Variants in PPARA observed in about 807,000 individuals in gnomAD.
The protein encoded by PPARA is peroxisome proliferator activated receptor alpha, also known as peroxisome proliferator-activated receptor alpha.
A neutral mutation model predicts 42.2 loss-of-function variants in PPARA; 22 were observed. That is an observed-to-expected ratio of 0.52 (90% CI 0.37 to 0.74). The LOEUF (loss-of-function observed/expected upper bound fraction) is 0.74. Ranked by LOEUF, PPARA falls within the 30% of genes least tolerant of loss-of-function variation. The probability of loss-of-function intolerance (pLI) is 0.00; values close to 1 mark genes in which losing one functional copy is unlikely to be tolerated. For synonymous variants in PPARA, 242 were observed against 239.3 expected (o/e 1.01, Z -0.10); for missense variants, 465 against 608.2 (o/e 0.76, Z 2.48).
rs1226777379 is a variant in PPARA, at chr22:46,239,041, C to A, written c.*3661C>A. The A allele has an allele frequency of 6.6e-6, 1 of 152,138 alleles. No homozygotes were observed. The highest frequency in any genetic ancestry group is 1.5e-5 in the Non-Finnish European group (1 of 68,066). The allele number at this position is 152,138 out of a possible 1,614,324, so 9.4% of individuals were successfully genotyped here. A position where few individuals can be genotyped will look rare whatever the true frequency, so the allele number is the denominator to read the frequency against. The stretch of plus-strand genomic sequence containing the variant: ...GTGTTTGCTATACGAACATAATGGA[C>A]GTGAAGTGGGGCAGAAACCCAGAAC... On this transcript the variant is annotated 3_prime_UTR_variant, in exon 9 of 9. Transcript: ENST00000407236.
intron 2 of PPARA, among the ~76,000 whole-genome samples, chr22:46,172,334 A>C (rs1016918973): frequency 1.1e-4 from 16 of 151,928 alleles, no homozygotes; most frequent in South Asian, 2.1e-4. Flanking sequence ...AAAAAAAAAA[A>C]AAAAAACAGC....
At chr22:46,159,449 G>A (rs948319563) in intron 2 of PPARA, among the ~76,000 whole-genome samples, 7 of 152,242 alleles carry the variant, frequency 4.6e-5, no homozygotes, top group South Asian at 4.1e-4. Flanking sequence ...TACAGAACCT[G>A]TCACCAGATA....
intron 3 of PPARA, among the ~76,000 whole-genome samples, chr22:46,178,634 C>T (rs1929515366): frequency 6.6e-6 from 1 of 152,162 alleles, no homozygotes; most frequent in Admixed American, 6.6e-5. Context: ...CAAAGTACTT[C>T]TTGGTGCATC....
rs1430386441 is a variant in PPARA, at chr22:46,232,991, A to G, written c.1159+752A>G. On this transcript the variant is annotated intron_variant, in intron 8 of 8. Transcript: ENST00000407236. The surrounding 1 kb of genome is among the most constrained non-coding windows in gnomAD (Gnocchi z 5.3). ...AGAATGACCCTGTCTCAAAAAAAAA[A>G]AAAAAAAAAATTATACACACACACA... Among the ~76,000 whole-genome samples the G allele has an allele frequency of 7.4e-6, 1 of 135,494 alleles. No homozygotes were observed. Among genetic ancestry groups the G allele is most frequent in the African/African-American group, 3.5e-5 (1 of 28,234 alleles). 88.9% of individuals were successfully genotyped at this position (135,494 alleles called of 152,430 possible). A position where few individuals can be genotyped will look rare whatever the true frequency, so the allele number is the denominator to read the frequency against.
chr22:46,177,282 T>C (rs1569200177), intron 3 of PPARA, among the ~76,000 whole-genome samples: 1 of 152,066 alleles, frequency 6.6e-6, no homozygotes, highest in African/African-American at 2.4e-5. Flanking sequence ...TACTATTTTA[T>C]TGAGCATTAA....
intron 3 of PPARA, among the ~76,000 whole-genome samples, chr22:46,185,711 A>G (rs1392933391): frequency 1.3e-5 from 2 of 150,368 alleles, no homozygotes; most frequent in African/African-American, 4.9e-5. Context: ...CCTGGCCAAC[A>G]TGGTGAAACC....
Position 46,239,672 on chromosome 22 carries a change from C to G in PPARA, c.*4292C>G, listed in dbSNP as rs1936320620. On this transcript the variant is annotated 3_prime_UTR_variant, in exon 9 of 9. Coordinates refer to ENST00000407236, the MANE Select transcript of PPARA (RefSeq NM_005036.6). ...CTCCCCGCACCGCCCCCAGCACCCCCTCTCCTCTTCACCTCTTCCTGCTGG... is the reference window on the plus strand; with the variant it reads ...CTCCCCGCACCGCCCCCAGCACCCCGTCTCCTCTTCACCTCTTCCTGCTGG... 6.8e-6 allele frequency: 1 copy of G among 147,284 alleles called. No individual in the cohort carries two copies. The highest frequency in any genetic ancestry group is 6.8e-5 in the Admixed American group (1 of 14,690). The allele number at this position is 147,284 out of a possible 1,614,324, so 9.1% of individuals were successfully genotyped here. A position where few individuals can be genotyped will look rare whatever the true frequency, so the allele number is the denominator to read the frequency against.
At chr22:46,185,969 A>G (rs1179988232) in intron 3 of PPARA, among the ~76,000 whole-genome samples, 5 of 117,202 alleles carry the variant, frequency 4.3e-5, no homozygotes, top group Non-Finnish European at 7.0e-5. Context: ...ATATATACAC[A>G]CACACTAACC....
In PPARA at chr22:46,233,886, C is replaced by G. The variant is rs935894169; in HGVS notation, c.1160-1247C>G. 3.3e-5 allele frequency among the ~76,000 whole-genome samples: 5 copies of G among 151,384 alleles called. No individual in the cohort carries two copies. Among genetic ancestry groups the G allele is most frequent in the Admixed American group, 3.3e-4 (5 of 15,188 alleles). Reference sequence around the variant, plus strand: ...TCACCCTGGCTGGAGTGCAGTGGCACGATCTCAGGTCACTGCAACTTCCGC... The same window carrying G: ...TCACCCTGGCTGGAGTGCAGTGGCAGGATCTCAGGTCACTGCAACTTCCGC... On this transcript the variant is annotated intron_variant, in intron 8 of 8. Transcript: ENST00000407236. This position sits in a 1 kb window ranked among gnomAD's most constrained non-coding sequence, Gnocchi z 7.3.
intron 4 of PPARA, among the ~76,000 whole-genome samples, chr22:46,201,814 C>T (rs1932852931): frequency 6.6e-6 from 1 of 152,180 alleles, no homozygotes; most frequent in South Asian, 2.1e-4. Context: ...CACAGACACA[C>T]CCCATGCTGG....
At position 46,242,687 on chromosome 22, in the gene PPARA, A is replaced by G. The variant is rs1936403983; in HGVS notation, c.*7307A>G. The G allele has an allele frequency of 6.6e-6, 1 of 152,298 alleles. No homozygotes were observed. Among genetic ancestry groups the G allele is most frequent in the Non-Finnish European group, 1.5e-5 (1 of 68,048 alleles). 9.4% of individuals were successfully genotyped at this position (152,298 alleles called of 1,614,324 possible). On this transcript the variant is annotated 3_prime_UTR_variant, in exon 9 of 9. Transcript: ENST00000407236. The surrounding 1 kb of genome is among the most constrained non-coding windows in gnomAD (Gnocchi z 6.1). ...TTGACCCTATTGGAAACACAAAGGAAGCTGAAATCAAACATCTAAAATACA... is the reference window on the plus strand; with the variant it reads ...TTGACCCTATTGGAAACACAAAGGAGGCTGAAATCAAACATCTAAAATACA...
rs998579423 is a variant in PPARA at position 46,191,068 on chromosome 22, C to CT, written c.-42-7273dup. Among the ~76,000 whole-genome samples, 4 of 152,100 alleles carry CT rather than the reference C, an allele frequency of 2.6e-5. No individual in the cohort carries two copies. The highest frequency in any genetic ancestry group is 4.8e-5 in the African/African-American group (2 of 41,414). ...ATTAGCCGGGCGTGGTGGTGTGTGC[C>CT]TGTAGTCCCAGCTACTCAGGAGGCT... On this transcript the variant is annotated intron_variant, in intron 3 of 8. Coordinates refer to ENST00000407236, the MANE Select transcript of PPARA (RefSeq NM_005036.6). This position sits in a 1 kb window ranked among gnomAD's most constrained non-coding sequence, Gnocchi z 4.6.
intron 7 of PPARA, among the ~76,000 whole-genome samples, chr22:46,223,926 G>A (rs1371029913): frequency 6.6e-6 from 1 of 151,294 alleles, no homozygotes; most frequent in African/African-American, 2.4e-5. Flanking sequence ...CTCCAGCCTG[G>A]GTGACAGAGT....
rs58484330 is a variant in PPARA at position 46,225,153 on chromosome 22, G to T, written c.711+5139G>T. On this transcript the variant is annotated intron_variant, in intron 7 of 8. Transcript: ENST00000407236. The surrounding 1 kb of genome is among the most constrained non-coding windows in gnomAD (Gnocchi z 4.1). ...AGGTGGGCTTTAGCTGAGGGAAGGAGTGAGGGGTGGATGGAGAATGTCTGT... is the reference window on the plus strand; with the variant it reads ...AGGTGGGCTTTAGCTGAGGGAAGGATTGAGGGGTGGATGGAGAATGTCTGT... Among the ~76,000 whole-genome samples, 2,174 of 152,212 alleles carry T rather than the reference G, an allele frequency of 0.014. 59 individuals are homozygous for T. Among genetic ancestry groups the T allele is most frequent in the African/African-American group, 0.05 (2,080 of 41,506 alleles).
intron 2 of PPARA, among the ~76,000 whole-genome samples, chr22:46,152,745 G>T (rs1020190353): frequency 1.3e-5 from 2 of 152,160 alleles, no homozygotes; most frequent in Non-Finnish European, 2.9e-5. Context: ...TGAGAGACCA[G>T]GGACACTGGG....
At position 46,235,223 on chromosome 22, in the gene PPARA, C is replaced by T. The variant is rs775185465; in HGVS notation, c.1250C>T (p.Pro417Leu). The change falls in exon 9 of 9, where the codon CCG becomes CTG. Residue 417 changes from proline (P) to leucine (L), a missense_variant. Around this residue, in one of 2 missense-constraint regions of PPARA, gnomAD observed 313 missense variants for 469.1 expected, o/e 0.67. Transcript: ENST00000407236. This position sits in a 1 kb window ranked among gnomAD's most constrained non-coding sequence, Gnocchi z 7.0. ...AGACTCCACCTGCAGAGCAACCACC[C>T]GGACGATATCTTTCTCTTCCCAAAA... ...VLRLHLQSNHPDDIFLFPKLL... is the reference protein window; with the variant it reads ...VLRLHLQSNHLDDIFLFPKLL... 7 of 1,614,108 alleles carry T rather than the reference C, an allele frequency of 4.3e-6. No homozygotes were observed. Among genetic ancestry groups the T allele is most frequent in the Non-Finnish European group, 2.5e-6 (3 of 1,180,024 alleles).
Position 46,200,859 on chromosome 22 carries a change from G to A in PPARA, c.208+2268G>A, listed in dbSNP as rs2147407528. On this transcript the variant is annotated intron_variant, in intron 4 of 8. Transcript: ENST00000407236. The surrounding 1 kb of genome is among the most constrained non-coding windows in gnomAD (Gnocchi z 4.8). ...GAATTGCTTGAACCCAGGAGGCAGA[G>A]GTTGCAGTGAGCAGAGATCATGCCA... Among the ~76,000 whole-genome samples, 1 of 152,178 alleles carries A rather than the reference G, an allele frequency of 6.6e-6. No individual in the cohort carries two copies. The highest frequency in any genetic ancestry group is 2.1e-4 in the South Asian group (1 of 4,828).
chr22:46,161,431 A>C lies in PPARA; in HGVS notation c.-127+9461A>C, dbSNP rs150193397. 0.014 allele frequency among the ~76,000 whole-genome samples: 2,143 copies of C among 152,166 alleles called. 25 individuals are homozygous for C. Among genetic ancestry groups the C allele is most frequent in the Middle Eastern group, 0.024 (7 of 294 alleles). On this transcript the variant is annotated intron_variant, in intron 2 of 8. Coordinates refer to ENST00000407236, the MANE Select transcript of PPARA (RefSeq NM_005036.6). This position sits in a 1 kb window ranked among gnomAD's most constrained non-coding sequence, Gnocchi z 4.8. ...CATGGTGAAACCCCGTCTCTACTAA[A>C]AATACAAAATTTAGCTGGGCATGGT...
chr22:46,231,800 C>T lies in PPARA; in HGVS notation c.720C>T (p.Val240=). 1 of 1,613,026 alleles carries T rather than the reference C, an allele frequency of 6.2e-7. No individual in the cohort carries two copies. The highest frequency in any genetic ancestry group is 8.5e-7 in the Non-Finnish European group (1 of 1,179,992). Residue 240 remains valine, a synonymous_variant, in exon 8 of 9, where the codon GTC becomes GTT. Coordinates refer to ENST00000407236, the MANE Select transcript of PPARA (RefSeq NM_005036.6). This position sits in a 1 kb window ranked among gnomAD's most constrained non-coding sequence, Gnocchi z 7.7. Reference sequence around the variant, plus strand: ...GGTGTCCTCCTTTGTAGCCTTTTGTCATACATGATATGGAGACACTGTGTA... The same window carrying T: ...GGTGTCCTCCTTTGTAGCCTTTTGTTATACATGATATGGAGACACTGTGTA... ...SGKASNNPPF[V]IHDMETLCMA...
Sources: gnomAD v4.1 joint callset for allele counts (sites outside exome capture counted in the v4.1 genomes callset) on GRCh38, gnomAD v4.1.1 for gene constraint, gnomAD v4.1.1 regional missense constraint, Gnocchi (gnomAD v3.1) non-coding constraint, MANE v1.5 for transcripts, NCBI Gene and HGNC (gene_info 2026-07-23, HGNC 2026-07-21) for gene names.